Variants in TMOD3 observed in about 807,000 individuals in gnomAD.
TMOD3 encodes the protein tropomodulin 3.
Under a neutral mutation model 39.2 loss-of-function variants are expected in TMOD3, and 20 were observed. The observed-to-expected ratio is 0.51, with a 90% CI of 0.36 to 0.74. The LOEUF is 0.74. TMOD3 is among the 30% of genes least tolerant of loss of function. The probability of loss-of-function intolerance (pLI) is 0.00; values close to 1 mark genes in which losing one functional copy is unlikely to be tolerated. For synonymous variants in TMOD3, 143 were observed against 145.8 expected, an observed-to-expected ratio of 0.98 and a Z score of 0.14; for missense variants, 381 against 412.8, an observed-to-expected ratio of 0.92 and a Z score of 0.67.
At chr15:51,875,252 G>T (rs2056496194) in intron 3 of TMOD3, 1 of 152,166 alleles carries the variant, frequency 6.6e-6, no homozygotes, top group African/African-American at 2.4e-5. Context: ...TGGGCAATTG[G>T]TTTCCGCTAA....
intron 1 of TMOD3, among the ~76,000 whole-genome samples, chr15:51,839,133 C>G (rs1006984936): frequency 9.1e-5 from 13 of 143,042 alleles, no homozygotes; most frequent in Non-Finnish European, 2.0e-4. Flanking sequence ...CTGCATCTGG[C>G]AGATTGACAG....
At chr15:51,902,767 A>G (rs2056659015) in intron 9 of TMOD3, among the ~76,000 whole-genome samples, 2 of 147,882 alleles carry the variant, frequency 1.4e-5, no homozygotes, top group African/African-American at 5.0e-5. Context: ...CTCCTGCCTC[A>G]GCCTCCTGAG....
At chr15:51,839,789 AT>A (rs1489014571) in intron 1 of TMOD3, among the ~76,000 whole-genome samples, 2 of 152,176 alleles carry the variant, frequency 1.3e-5, no homozygotes, top group African/African-American at 4.8e-5. Flanking sequence ...AAATTTTCTA[AT>A]TTTATAGCAG....
chr15:51,848,067 A>G (rs1304865532), intron 1 of TMOD3, among the ~76,000 whole-genome samples: 1 of 152,184 alleles, frequency 6.6e-6, no homozygotes, highest in East Asian at 1.9e-4. Context: ...TCTGTGAATC[A>G]GAAAGTGGGC....
In TMOD3 at chr15:51,911,504, T is replaced by C. The variant is rs983296831; in HGVS notation, c.*2694T>C. 4 of 152,194 alleles carry C rather than the reference T, an allele frequency of 2.6e-5. No homozygotes were observed. Among genetic ancestry groups the C allele is most frequent in the Non-Finnish European group, 4.4e-5 (3 of 68,032 alleles). The allele number at this position is 152,194 out of a possible 1,614,324, so 9.4% of individuals were successfully genotyped here. A position where few individuals can be genotyped will look rare whatever the true frequency, so the allele number is the denominator to read the frequency against. ...TCTGGCACCTCTTAGTAACTTTCAG[T>C]ATTTCTAAATTGCTCTAAAATTTTA... is the stretch of plus-strand genomic sequence containing the variant. On this transcript the variant is annotated 3_prime_UTR_variant, in exon 10 of 10. Transcript: ENST00000308580.
In TMOD3 at chr15:51,886,604, G is replaced by C. The variant is rs187611001; in HGVS notation, c.284-985G>C. On this transcript the variant is annotated intron_variant, in intron 3 of 9. Coordinates refer to ENST00000308580, the MANE Select transcript of TMOD3 (RefSeq NM_014547.5). ...TCAGGCAGGGAGGTTGCAGTGAGCC[G>C]AGATGGCAGCAGTACAGTCCAGCCT... Among the ~76,000 whole-genome samples, 248 of 152,228 alleles carry C rather than the reference G, an allele frequency of 1.6e-3. 4 individuals carry two copies. Among genetic ancestry groups the C allele is most frequent in the African/African-American group, 5.7e-3 (237 of 41,554 alleles).
chr15:51,839,489 A>G (rs531311526), intron 1 of TMOD3, among the ~76,000 whole-genome samples: 21 of 152,092 alleles, frequency 1.4e-4, no homozygotes, highest in African/African-American at 3.1e-4. Context: ...TTTGGTGTCT[A>G]TTTATTCCTA....
chr15:51,872,946 C>G (rs2056483397), intron 3 of TMOD3, among the ~76,000 whole-genome samples: 1 of 152,178 alleles, frequency 6.6e-6, no homozygotes, highest in Admixed American at 6.5e-5. Flanking sequence ...GTGGTAGAAT[C>G]AAGCCTTATA....
intron 3 of TMOD3, among the ~76,000 whole-genome samples, chr15:51,879,639 C>T (rs2056522422): frequency 6.6e-6 from 1 of 151,790 alleles, no homozygotes; most frequent in African/African-American, 2.4e-5. Flanking sequence ...AACTCATCTT[C>T]ATCTTTTAGG....
intron 5 of TMOD3, among the ~76,000 whole-genome samples, chr15:51,893,444 C>G (rs1191990836): frequency 6.6e-6 from 1 of 151,102 alleles, no homozygotes; most frequent in Admixed American, 6.6e-5. Context: ...GAGATGTTAC[C>G]AAGTCAATTA....
Position 51,893,865 on chromosome 15 carries a change from C to G in TMOD3, c.547C>G (p.Pro183Ala), listed in dbSNP as rs143809392. Residue 183 changes from proline (P) to alanine (A), a missense_variant, in exon 6 of 10, where the codon CCA becomes GCA. Coordinates refer to ENST00000308580, the MANE Select transcript of TMOD3 (RefSeq NM_014547.5). ...ILPVFDEPPN[P>A]TNVEESLKRT... ...TCCGGTATTTGATGAGCCACCAAAT[C>G]CAACCAATGTAGAAGAGAGTTTGAA... is the stretch of plus-strand genomic sequence containing the variant. 890 of 1,609,962 alleles carry G rather than the reference C, an allele frequency of 5.5e-4. 1 individual carries two copies. The Middle Eastern group carries it at 6.0e-3, about 11-fold the overall frequency.
chr15:51,875,021 TTTTTAA>T (rs2056494617), intron 3 of TMOD3: 2 of 152,194 alleles, frequency 1.3e-5, no homozygotes, highest in Admixed American at 1.3e-4. Flanking sequence ...CCTCCCTGCT[TTTTTAA>T]AGGTAAATTT....
chr15:51,891,988 TC>T (rs1317633312), intron 5 of TMOD3, among the ~76,000 whole-genome samples: 1 of 152,200 alleles, frequency 6.6e-6, no homozygotes, highest in Non-Finnish European at 1.5e-5. Context: ...TAGGTACTTC[TC>T]CAGACTAAAT....
rs10586896 is a variant in TMOD3, at chr15:51,878,376, ATGTGTGTGTGTG to A, written c.283+9023_283+9034del. ...AACAAGAACCATCTCTTTAAAATAT[ATGTGTGTGTGTG>A]TGTGTGTGTGTGTGTGTGTAAAACT... On this transcript the variant is annotated intron_variant, in intron 3 of 9. Coordinates refer to ENST00000308580, the MANE Select transcript of TMOD3 (RefSeq NM_014547.5). 1.1e-4 allele frequency among the ~76,000 whole-genome samples: 16 copies of A among 147,318 alleles called. 1 individual carries two copies. The highest frequency in any genetic ancestry group is 8.2e-4 in the Admixed American group (12 of 14,558).
intron 1 of TMOD3, chr15:51,860,961 G>C: frequency 2.0e-6 from 1 of 507,910 alleles, no homozygotes; most frequent in East Asian, 5.2e-5. Flanking sequence ...ACCTACATAG[G>C]AGAGCCAAAG....
chr15:51,899,816 G>A (rs1176848666), intron 7 of TMOD3, among the ~76,000 whole-genome samples: 1 of 152,210 alleles, frequency 6.6e-6, no homozygotes, highest in African/African-American at 2.4e-5. Context: ...CCACAAAAAT[G>A]AAGTGATGTG....
intron 3 of TMOD3, among the ~76,000 whole-genome samples, chr15:51,870,397 T>A (rs974078506): frequency 6.6e-6 from 1 of 152,230 alleles, no homozygotes; most frequent in Non-Finnish European, 1.5e-5. Flanking sequence ...TGGGGAATGG[T>A]GGCAGCAGTA....
intron 3 of TMOD3, 158 bp from the exon 4 acceptor site, chr15:51,887,431 G>T (rs112515250): frequency 7.9e-6 from 6 of 759,426 alleles, no homozygotes; most frequent in African/African-American, 3.6e-5. Context: ...AAAATATTAC[G>T]CTGGAAACTT....
At chr15:51,882,857 A>G (rs541925615) in intron 3 of TMOD3, among the ~76,000 whole-genome samples, 2 of 152,228 alleles carry the variant, frequency 1.3e-5, no homozygotes, top group East Asian at 3.9e-4. Flanking sequence ...GATTGTGTAA[A>G]TCTATAAATC....
Sources: allele counts gnomAD v4.1 joint callset (sites outside exome capture counted in the v4.1 genomes callset), GRCh38; gene constraint gnomAD v4.1.1; transcripts MANE v1.5; gene names NCBI Gene and HGNC (gene_info 2026-07-23, HGNC 2026-07-21).